PCDH15: variants seen among roughly 807,000 people sequenced by gnomAD.
PCDH15 encodes the protein protocadherin related 15.
PCDH15 carries 129 observed loss-of-function variants against 178.5 expected under a neutral mutation model. That is an observed-to-expected ratio of 0.72 (90% CI 0.63 to 0.84). PCDH15 has a LOEUF of 0.84. Ranked by LOEUF, PCDH15 falls within the 40% of genes least tolerant of loss-of-function variation. PCDH15 has a pLI of 0.00. For missense variants in PCDH15, 2,230 were observed against 2,099.9 expected (o/e 1.06, Z -1.21); for synonymous variants, 800 against 732.0 (o/e 1.09, Z -1.50).
intron 26 of PCDH15, among the ~76,000 whole-genome samples, chr10:53,874,090 A>C (rs1181277763): frequency 6.6e-6 from 1 of 152,196 alleles, no homozygotes; most frequent in Non-Finnish European, 1.5e-5. Context: ...AGGTAAGAAT[A>C]TAAAAACCAT....
At chr10:54,854,834 C>T (rs1331968999) in intron 3 of PCDH15, among the ~76,000 whole-genome samples, 1 of 152,110 alleles carries the variant, frequency 6.6e-6, no homozygotes, top group Non-Finnish European at 1.5e-5. Context: ...TGGAGCCCAG[C>T]CCCCAGCCTT....
intron 6 of PCDH15, among the ~76,000 whole-genome samples, chr10:54,329,978 T>C (rs1939104308): frequency 6.6e-6 from 1 of 151,870 alleles, no homozygotes; most frequent in Non-Finnish European, 1.5e-5. Context: ...TCATCAACAG[T>C]CTTGGAATAG....
chr10:54,517,008 G>A (rs971881885), intron 3 of PCDH15, among the ~76,000 whole-genome samples: 1 of 152,032 alleles, frequency 6.6e-6, no homozygotes, highest in African/African-American at 2.4e-5. Flanking sequence ...ACAAGCAAAT[G>A]CTGAGAGATT....
At chr10:54,415,968 T>C (rs1954301746) in intron 3 of PCDH15, among the ~76,000 whole-genome samples, 1 of 151,912 alleles carries the variant, frequency 6.6e-6, no homozygotes, top group Non-Finnish European at 1.5e-5. Context: ...AAAAATCGAC[T>C]TTTTTATTTT....
intron 2 of PCDH15, among the ~76,000 whole-genome samples, chr10:54,569,157 C>A (rs546574021): frequency 6.6e-6 from 1 of 151,866 alleles, no homozygotes; most frequent in East Asian, 1.9e-4. Context: ...TATGCTAATA[C>A]AGAGTCAATA....
intron 23 of PCDH15, among the ~76,000 whole-genome samples, chr10:53,954,111 C>T (rs768830730): frequency 1.3e-5 from 2 of 152,066 alleles, no homozygotes; most frequent in Middle Eastern, 3.2e-3. Flanking sequence ...TTTAAATATG[C>T]AAATGAAACA....
At chr10:53,929,853 G>A (rs566911991) in intron 25 of PCDH15, among the ~76,000 whole-genome samples, 10 of 152,208 alleles carry the variant, frequency 6.6e-5, no homozygotes, top group Non-Finnish European at 1.3e-4. Flanking sequence ...CTTTTTTCAT[G>A]TTTAAAGATA....
At chr10:55,114,098 G>A (rs887429730) in intron 2 of PCDH15, among the ~76,000 whole-genome samples, 14 of 151,884 alleles carry the variant, frequency 9.2e-5, no homozygotes, top group East Asian at 5.8e-4. Context: ...ACAGGCACCC[G>A]CCACCACGCC....
At chr10:54,603,298 T>C (rs1167455980) in intron 2 of PCDH15, among the ~76,000 whole-genome samples, 1 of 151,940 alleles carries the variant, frequency 6.6e-6, no homozygotes, top group Non-Finnish European at 1.5e-5. Context: ...GGAAAGGATG[T>C]GTCAGTTTTA....
chr10:53,979,403 G>T (rs2090442114), intron 21 of PCDH15, among the ~76,000 whole-genome samples: 1 of 152,136 alleles, frequency 6.6e-6, no homozygotes, highest in Non-Finnish European at 1.5e-5. Flanking sequence ...CTCCCACTGG[G>T]TCTCTCCCAC....
chr10:54,026,049 A>G (rs983568876), intron 18 of PCDH15, among the ~76,000 whole-genome samples: 1 of 151,792 alleles, frequency 6.6e-6, no homozygotes, highest in Non-Finnish European at 1.5e-5. Flanking sequence ...ATAAATATAT[A>G]GCAATCTATA....
At chr10:54,962,007 G>A (rs1192510045) in intron 2 of PCDH15, among the ~76,000 whole-genome samples, 1 of 152,220 alleles carries the variant, frequency 6.6e-6, no homozygotes, top group African/African-American at 2.4e-5. Context: ...TCTCTGATGA[G>A]AGCTGTTCTG....
chr10:54,808,405 T>A (rs1952812495), intron 3 of PCDH15, among the ~76,000 whole-genome samples: 2 of 152,316 alleles, frequency 1.3e-5, no homozygotes, highest in South Asian at 4.1e-4. Flanking sequence ...GAGTTACTGC[T>A]GAGCCCAGCA....
chr10:54,985,651 C>T (rs998201426), intron 2 of PCDH15, among the ~76,000 whole-genome samples: 2 of 152,130 alleles, frequency 1.3e-5, no homozygotes, highest in African/African-American at 4.8e-5. Context: ...CTACTACTAC[C>T]TAGCATCAAA....
At chr10:54,104,368 G>T (rs1042507159) in intron 15 of PCDH15, among the ~76,000 whole-genome samples, 2 of 152,124 alleles carry the variant, frequency 1.3e-5, no homozygotes, top group African/African-American at 4.8e-5. Flanking sequence ...TTTAACAGGG[G>T]ACACCTGGCG....
chr10:54,763,725 T>A (rs1046666131), intron 1 of PCDH15, among the ~76,000 whole-genome samples: 10 of 148,604 alleles, frequency 6.7e-5, no homozygotes, highest in Non-Finnish European at 1.5e-4. Flanking sequence ...ATTTACTTTT[T>A]ATGGATACAT....
chr10:54,424,520 A>G (rs1055584838), intron 3 of PCDH15, among the ~76,000 whole-genome samples: 1 of 150,924 alleles, frequency 6.6e-6, no homozygotes, highest in Admixed American at 6.6e-5. Context: ...TATACACCCA[A>G]AGGATTATAA....
chr10:54,951,773 T>C (rs1838346774), intron 2 of PCDH15, among the ~76,000 whole-genome samples: 2 of 151,894 alleles, frequency 1.3e-5, no homozygotes, highest in Non-Finnish European at 2.9e-5. Context: ...CAGAGGTATC[T>C]CAGATTTTAA....
chr10:54,027,885 G>A (rs924476424), intron 18 of PCDH15, among the ~76,000 whole-genome samples: 2 of 148,108 alleles, frequency 1.4e-5, no homozygotes, highest in African/African-American at 5.0e-5. Flanking sequence ...GCATGGGCAA[G>A]GACTTCATGT....
Sources: allele counts gnomAD v4.1 joint callset (sites outside exome capture counted in the v4.1 genomes callset), GRCh38; gene constraint gnomAD v4.1.1; transcripts MANE v1.5; gene names NCBI Gene and HGNC (gene_info 2026-07-23, HGNC 2026-07-21).